DMD: variants seen among roughly 807,000 people sequenced by gnomAD.
DMD encodes mutant dystrophin.
Under a neutral mutation model 330.1 loss-of-function variants are expected in DMD, and 63 were observed. The observed-to-expected ratio is 0.19, with a 90% CI of 0.16 to 0.24. The LOEUF is 0.24. Ranked by LOEUF, DMD falls within the 10% of genes least tolerant of loss-of-function variation. The pLI, the probability that DMD is intolerant of heterozygous loss-of-function variation, is 1.00. For missense variants in DMD, 3,344 were observed against 2,684.1 expected (o/e 1.25, Z -5.43); for synonymous variants, 1,223 against 959.8 (o/e 1.27, Z -5.07).
At chrX:31,601,163 G>C (rs1398167363) in intron 55 of DMD, among the ~76,000 whole-genome samples, 1 of 112,159 alleles carries the variant, frequency 8.9e-6, no homozygotes, top group African/African-American at 3.2e-5. Flanking sequence ...GATGTTGATT[G>C]CTATCATTTA....
intron 1 of DMD, among the ~76,000 whole-genome samples, chrX:33,079,209 T>C (rs1288509852): frequency 9.0e-6 from 1 of 111,293 alleles, no homozygotes; most frequent in Non-Finnish European, 1.9e-5. Context: ...ATGGGGTTTC[T>C]CCATGTTGGT....
intron 60 of DMD, among the ~76,000 whole-genome samples, chrX:31,382,594 T>C (rs1272661816): frequency 8.9e-6 from 1 of 111,774 alleles, no homozygotes; most frequent in Non-Finnish European, 1.9e-5. Context: ...GTCCTCCCAA[T>C]TCTTCGTCCT....
At chrX:32,823,125 G>A (rs754387736) in intron 5 of DMD, among the ~76,000 whole-genome samples, 170 bp downstream of exon 5, 6 of 111,498 alleles carry the variant, frequency 5.4e-5, no homozygotes, top group South Asian at 3.7e-4. Context: ...ATTTTATACC[G>A]TGATGATCCT....
In DMD at chrX:32,849,745, G is replaced by A; in HGVS notation, c.169C>T (p.Leu57=). ...TCACATACCAGTTTTTGCCCTGTCA[G>A]GCCTTCGAGGAGGTCTAGGAGGCGC... ...GRRLLDLLEG[L]TGQKLPKEKG... Residue 57 remains leucine, a synonymous_variant, in exon 3 of 79, where the codon CTG becomes TTG. Transcript: ENST00000357033. 2.5e-6 allele frequency: 3 copies of A among 1,206,222 alleles called. No homozygotes were observed. The South Asian group carries it at 5.3e-5, about 21-fold the overall frequency.
intron 67 of DMD, among the ~76,000 whole-genome samples, chrX:31,185,238 C>T (rs1373959217): frequency 8.9e-6 from 1 of 111,754 alleles, no homozygotes; most frequent in African/African-American, 3.3e-5. Context: ...AGTCTTTAAT[C>T]AGCTGTGGAA....
At chrX:32,606,650 C>T (rs1180394272) in intron 12 of DMD, among the ~76,000 whole-genome samples, 1 of 108,172 alleles carries the variant, frequency 9.2e-6, no homozygotes. Flanking sequence ...AAAGAATCAA[C>T]CTAAGCGTCC....
intron 44 of DMD, among the ~76,000 whole-genome samples, chrX:32,137,883 A>G (rs1027014854): frequency 1.8e-5 from 2 of 109,152 alleles, no homozygotes; most frequent in Non-Finnish European, 3.8e-5. Context: ...TGATTATTTA[A>G]CATAATCTAT....
At chrX:32,792,127 C>T (rs942242894) in intron 7 of DMD, among the ~76,000 whole-genome samples, 1 of 111,644 alleles carries the variant, frequency 9.0e-6, no homozygotes, top group Non-Finnish European at 1.9e-5. Context: ...CAAGGATACT[C>T]TACCCAGCCA....
chrX:32,653,497 G>C (rs1283610453), intron 9 of DMD, among the ~76,000 whole-genome samples: 1 of 111,433 alleles, frequency 9.0e-6, no homozygotes, highest in East Asian at 2.8e-4. Context: ...TGAGGGCTTT[G>C]TTCTGTTCCA....
chrX:33,045,315 TACACAC>T (rs55970492), intron 1 of DMD, among the ~76,000 whole-genome samples: 2 of 96,725 alleles, frequency 2.1e-5, no homozygotes, highest in Admixed American at 2.3e-4. Flanking sequence ...CACAGGTGCG[TACACAC>T]ACACACACAC....
intron 1 of DMD, among the ~76,000 whole-genome samples, chrX:33,106,132 G>T (rs1357992968): frequency 1.1e-4 from 12 of 110,054 alleles, no homozygotes; most frequent in Non-Finnish European, 1.9e-5. Flanking sequence ...GTCTTCTGCA[G>T]CAACTTGGAT....
chrX:32,085,498 T>G (rs2096425242), intron 44 of DMD, among the ~76,000 whole-genome samples: 1 of 107,960 alleles, frequency 9.3e-6, no homozygotes, highest in Non-Finnish European at 1.9e-5. Context: ...CATGTGTACA[T>G]GTTTATACAT....
intron 32 of DMD, 91 bp downstream of exon 32, chrX:32,389,410 T>C: frequency 1.0e-6 from 1 of 983,256 alleles, no homozygotes. Context: ...ATTATGGTTA[T>C]CTGAAAACAA....
intron 74 of DMD, among the ~76,000 whole-genome samples, chrX:31,158,903 A>G (rs1284614882): frequency 8.9e-6 from 1 of 112,061 alleles, no homozygotes; most frequent in Admixed American, 9.5e-5. Flanking sequence ...AAGCCCAGAA[A>G]ATGCTTAAGT....
chrX:31,892,258 G>A (rs2094265068), intron 47 of DMD, among the ~76,000 whole-genome samples: 1 of 111,548 alleles, frequency 9.0e-6, no homozygotes, highest in South Asian at 3.8e-4. Flanking sequence ...AAATGGAAAC[G>A]ATATGTCAAC....
intron 13 of DMD, among the ~76,000 whole-genome samples, chrX:32,584,904 T>C (rs2149206251): frequency 8.9e-6 from 1 of 111,780 alleles, no homozygotes; most frequent in African/African-American, 3.3e-5. Flanking sequence ...TGTCCTTTGC[T>C]TGATACTTCA....
intron 42 of DMD, among the ~76,000 whole-genome samples, chrX:32,295,846 A>T (rs1182145676): frequency 8.9e-6 from 1 of 112,046 alleles, no homozygotes; most frequent in Non-Finnish European, 1.9e-5. Context: ...CCTTGCTGTC[A>T]AAGATTTTCA....
At chrX:32,356,399 A>AAAC (rs1314548128) in intron 37 of DMD, among the ~76,000 whole-genome samples, 2 of 108,143 alleles carry the variant, frequency 1.8e-5, no homozygotes, top group African/African-American at 6.7e-5. Context: ...AAAAAAAAAA[A>AAAC]AAAAAAACTT....
At chrX:32,673,657 T>C (rs184611373) in intron 9 of DMD, among the ~76,000 whole-genome samples, 3 of 111,813 alleles carry the variant, frequency 2.7e-5, no homozygotes, top group African/African-American at 9.7e-5. Flanking sequence ...CTAAAGCACT[T>C]TTGTGACAAA....
Sources: gnomAD v4.1 joint callset for allele counts (sites outside exome capture counted in the v4.1 genomes callset) on GRCh38, gnomAD v4.1.1 for gene constraint, MANE v1.5 for transcripts, NCBI Gene and HGNC (gene_info 2026-07-23, HGNC 2026-07-21) for gene names.